The following DESI1 variants were observed in gnomAD, a reference collection of about 807,000 sequenced individuals.
DESI1 encodes the protein PPPDE peptidase domain containing 2.
Under a neutral mutation model 22.4 loss-of-function variants are expected in DESI1, and 17 were observed. The observed-to-expected ratio is 0.76, with a 90% CI of 0.52 to 1.14. The LOEUF (loss-of-function observed/expected upper bound fraction) is 1.14. Among genes scored for constraint, DESI1 ranks in the 50% most tolerant of loss-of-function variants. The probability of loss-of-function intolerance (pLI) is 0.00; values close to 1 mark genes in which losing one functional copy is unlikely to be tolerated. For missense variants in DESI1, 177 were observed against 208.9 expected, an observed-to-expected ratio of 0.85 and a Z score of 0.94; for synonymous variants, 92 against 84.2, an observed-to-expected ratio of 1.09 and a Z score of -0.51.
chr22:41,620,083 C>T (rs1435403432), intron 1 of DESI1, among the ~76,000 whole-genome samples: 1 of 152,184 alleles, frequency 6.6e-6, no homozygotes, highest in Non-Finnish European at 1.5e-5. Context: ...CAAACTTCCC[C>T]CAAAACTGCT....
chr22:41,618,609 C>G (rs542066441), intron 1 of DESI1, among the ~76,000 whole-genome samples: 1 of 152,202 alleles, frequency 6.6e-6, no homozygotes, highest in Non-Finnish European at 1.5e-5. Flanking sequence ...ATAATGACTC[C>G]TAAGGCTCCT....
Position 41,601,091 on chromosome 22 carries a change from G to A in DESI1, c.*6C>T. On this transcript the variant is annotated 3_prime_UTR_variant, in exon 6 of 6. Transcript: ENST00000263256. ...TGGTGAGGCAGGGCGGTCCCAGGCA[G>A]TCCTGTTAGCTCTGGCCGTTGGGTC... The A allele has an allele frequency of 6.2e-7, 1 of 1,612,446 alleles. No homozygotes were observed.
chr22:41,602,148 G>T, intron 5 of DESI1: 1 of 930,072 alleles, frequency 1.1e-6, no homozygotes, highest in Non-Finnish European at 1.3e-6. Flanking sequence ...TAAGTCACTG[G>T]CTTTTTCTTC....
chr22:41,603,986 G>T, intron 4 of DESI1, 58 bp downstream of exon 4: 4 of 1,489,996 alleles, frequency 2.7e-6, no homozygotes, highest in Non-Finnish European at 3.7e-6. Flanking sequence ...TGCCTCCAGG[G>T]GTTATTATCT....
chr22:41,620,670 G>A (rs2067583475), intron 1 of DESI1, 82 bp downstream of exon 1: 1 of 1,366,006 alleles, frequency 7.3e-7, no homozygotes, highest in Non-Finnish European at 1.0e-6. Context: ...GTGAGTCGTG[G>A]CCCAAGTCTC....
intron 3 of DESI1, among the ~76,000 whole-genome samples, chr22:41,606,384 G>A (rs1179460203): frequency 6.6e-6 from 1 of 151,808 alleles, no homozygotes; most frequent in Non-Finnish European, 1.5e-5. Context: ...CTTCCTGTAG[G>A]ATGTAGCAAA....
chr22:41,600,922 GTTTC>G lies in DESI1; in HGVS notation c.*171_*174del. The stretch of plus-strand genomic sequence containing the variant: ...ATTAGAAGGGGTGGCATTTTGTTCT[GTTTC>G]TTAGCAGCATTGTCTACATGCGGCC... On this transcript the variant is annotated 3_prime_UTR_variant, in exon 6 of 6. Transcript: ENST00000263256. 1.6e-6 allele frequency: 1 copy of G among 621,170 alleles called. No individual in the cohort carries two copies. The highest frequency in any genetic ancestry group is 2.9e-6 in the Non-Finnish European group (1 of 348,046). The allele number at this position is 621,170 out of a possible 1,614,324, so 38.5% of individuals were successfully genotyped here.
intron 3 of DESI1, among the ~76,000 whole-genome samples, chr22:41,606,954 G>A (rs992135211): frequency 4.6e-5 from 7 of 151,848 alleles, no homozygotes; most frequent in Non-Finnish European, 7.4e-5. Context: ...AGGATGAGCC[G>A]GACACTGTGC....
Position 41,601,025 on chromosome 22 carries a change from G to C in DESI1, c.*72C>G. On this transcript the variant is annotated 3_prime_UTR_variant, in exon 6 of 6. Transcript: ENST00000263256. ...AGCTCTGATGTAAAATTATAAAATA[G>C]AAATCTGGTAGGGTTTGTTTTGTTT... The C allele has an allele frequency of 7.3e-7, 1 of 1,361,194 alleles. No individual in the cohort carries two copies. The highest frequency in any genetic ancestry group is 1.0e-6 in the Non-Finnish European group (1 of 978,020). 84.3% of individuals were successfully genotyped at this position (1,361,194 alleles called of 1,614,324 possible).
At chr22:41,601,311 G>T in intron 5 of DESI1, 121 bp from the exon 6 acceptor site, 1 of 886,170 alleles carries the variant, frequency 1.1e-6, no homozygotes, top group Non-Finnish European at 1.7e-6. Context: ...AGCAGCACCA[G>T]CAGAGAAGGA....
At chr22:41,601,278 G>T in intron 5 of DESI1, 88 bp from the exon 6 acceptor site, 1 of 1,267,334 alleles carries the variant, frequency 7.9e-7, no homozygotes, top group East Asian at 2.7e-5. Flanking sequence ...TAGGGAGGAG[G>T]AGTGGGCGCT....
At chr22:41,606,127 C>T (rs2067478492) in intron 3 of DESI1, among the ~76,000 whole-genome samples, 1 of 152,012 alleles carries the variant, frequency 6.6e-6, no homozygotes, top group Admixed American at 6.6e-5. Context: ...AGAATTCTGG[C>T]TTATGCAGTA....
At chr22:41,604,705 A>G (rs1180386169) in intron 3 of DESI1, among the ~76,000 whole-genome samples, 2 of 151,922 alleles carry the variant, frequency 1.3e-5, no homozygotes, top group Non-Finnish European at 2.9e-5. Context: ...CACAAAATAC[A>G]CTAACACTAA....
chr22:41,603,397 T>C lies in DESI1; in HGVS notation c.291-16A>G, dbSNP rs752404592. The C allele has an allele frequency of 2.5e-6, 4 of 1,614,138 alleles. No homozygotes were observed. The highest frequency in any genetic ancestry group is 2.5e-6 in the Non-Finnish European group (3 of 1,180,010). ...GGCCTCACCTCTGTACATTGAAAGG[T>C]TTGCAGAACATATATGAGAAACCAG... On this transcript the variant is annotated splice_polypyrimidine_tract_variant and intron_variant, in intron 4 of 5. Coordinates refer to ENST00000263256, the MANE Select transcript of DESI1 (RefSeq NM_015704.3).
chr22:41,618,847 A>G lies in DESI1; in HGVS notation c.88+1905T>C, dbSNP rs565361156. 1.2e-3 allele frequency among the ~76,000 whole-genome samples: 176 copies of G among 152,316 alleles called. 1 individual carries two copies. The highest frequency in any genetic ancestry group is 4.0e-3 in the African/African-American group (167 of 41,572). On this transcript the variant is annotated intron_variant, in intron 1 of 5. Coordinates refer to ENST00000263256, the MANE Select transcript of DESI1 (RefSeq NM_015704.3). The stretch of plus-strand genomic sequence containing the variant: ...TGGGAGGCCAAGGCAGGCGGATCAC[A>G]AGGTGAGGAGATCGAGACCATCCTG...
Position 41,607,832 on chromosome 22 carries a change from C to T in DESI1, c.110+8G>A. 2 of 1,614,220 alleles carry T rather than the reference C, an allele frequency of 1.2e-6. No individual in the cohort carries two copies. Among genetic ancestry groups the T allele is most frequent in the Non-Finnish European group, 8.5e-7 (1 of 1,180,040 alleles). Reference sequence around the variant, plus strand: ...ACTAGTCAAAGTAAGGAGACCCACCCAACTTACCAGATGCCTTCCAGTTGT... The same window carrying T: ...ACTAGTCAAAGTAAGGAGACCCACCTAACTTACCAGATGCCTTCCAGTTGT... On this transcript the variant is annotated splice_region_variant and intron_variant, in intron 2 of 5. Transcript: ENST00000263256.
intron 3 of DESI1, among the ~76,000 whole-genome samples, chr22:41,606,819 G>A (rs569755619): frequency 2.0e-5 from 3 of 151,188 alleles, no homozygotes; most frequent in African/African-American, 7.3e-5. Flanking sequence ...TCGGAAAAGG[G>A]TGTGGGCTTT....
At chr22:41,616,523 AAAACACACACAC>A (rs1161762335) in intron 1 of DESI1, among the ~76,000 whole-genome samples, 1 of 89,874 alleles carries the variant, frequency 1.1e-5, no homozygotes, top group Non-Finnish European at 2.2e-5. Flanking sequence ...TACCACAATT[AAAACACACACAC>A]ACACACACAC....
chr22:41,614,627 C>G (rs1569070896), intron 1 of DESI1, among the ~76,000 whole-genome samples: 2 of 135,872 alleles, frequency 1.5e-5, no homozygotes, highest in Non-Finnish European at 3.1e-5. Flanking sequence ...CTCTATCACC[C>G]AGGCTGAAGT....
Sources: allele counts gnomAD v4.1 joint callset (sites outside exome capture counted in the v4.1 genomes callset), GRCh38; gene constraint gnomAD v4.1.1; transcripts MANE v1.5; gene names NCBI Gene and HGNC (gene_info 2026-07-23, HGNC 2026-07-21).